MAOA: variants seen among roughly 807,000 people sequenced by gnomAD.
MAOA encodes the protein monoamine oxidase A, also known as amine oxidase [flavin-containing] A.
A neutral mutation model predicts 42.0 loss-of-function variants in MAOA; 6 were observed. That is an observed-to-expected ratio of 0.14 (90% CI 0.08 to 0.28). MAOA has a LOEUF of 0.28. Among genes scored for constraint, MAOA ranks in the 10% least tolerant of loss-of-function variants. MAOA has a pLI of 1.00. For missense variants in MAOA, 262 were observed against 422.3 expected (o/e 0.62, Z 3.33); for synonymous variants, 140 against 154.0 (o/e 0.91, Z 0.67).
At chrX:43,703,483 C>T (rs1203086348) in intron 3 of MAOA, among the ~76,000 whole-genome samples, 3 of 111,886 alleles carry the variant, frequency 2.7e-5, no homozygotes, top group Non-Finnish European at 5.6e-5. Flanking sequence ...CCCTTTTGTC[C>T]AGAAGGGATA....
chrX:43,725,271 T>TA, intron 5 of MAOA, among the ~76,000 whole-genome samples: 1 of 111,443 alleles, frequency 9.0e-6, no homozygotes, highest in Non-Finnish European at 1.9e-5. Context: ...AGTGGGGTAT[T>TA]AAAGTCTCCC....
chrX:43,687,199 G>A (rs1222392898), intron 2 of MAOA, among the ~76,000 whole-genome samples: 1 of 112,299 alleles, frequency 8.9e-6, no homozygotes, highest in Non-Finnish European at 1.9e-5. Context: ...GTGCAACACA[G>A]TAGAATACAG....
chrX:43,703,061 A>T (rs1601938374), intron 3 of MAOA, among the ~76,000 whole-genome samples: 1 of 94,412 alleles, frequency 1.1e-5, no homozygotes, highest in African/African-American at 5.9e-5. Flanking sequence ...TCTGTAGATT[A>T]AAAAAAAAAT....
At chrX:43,739,666 A>T (rs1218134048) in intron 10 of MAOA, among the ~76,000 whole-genome samples, 1 of 112,284 alleles carries the variant, frequency 8.9e-6, no homozygotes, top group East Asian at 2.8e-4. Context: ...AGCTTTTAAT[A>T]CTTGTCTTAC....
At chrX:43,730,194 CAAAAAAA>C (rs1219771036) in intron 6 of MAOA, among the ~76,000 whole-genome samples, 1 of 38,127 alleles carries the variant, frequency 2.6e-5, no homozygotes, top group African/African-American at 1.1e-4. Context: ...AACTCCGTCT[CAAAAAAA>C]AAAAAAAAAA....
At chrX:43,742,933 C>T (rs1401384163) in intron 12 of MAOA, among the ~76,000 whole-genome samples, 2 of 110,267 alleles carry the variant, frequency 1.8e-5, no homozygotes, top group African/African-American at 6.6e-5. Flanking sequence ...AGTCAGATCG[C>T]CTTTGTTAAC....
At chrX:43,718,213 T>C (rs1312835576) in intron 5 of MAOA, among the ~76,000 whole-genome samples, 1 of 106,403 alleles carries the variant, frequency 9.4e-6, no homozygotes, top group Non-Finnish European at 1.9e-5. Context: ...CTTCCAAGAA[T>C]GATTCACAGA....
chrX:43,676,130 A>C (rs1426890735), intron 1 of MAOA, among the ~76,000 whole-genome samples: 1 of 111,936 alleles, frequency 8.9e-6, no homozygotes, highest in Non-Finnish European at 1.9e-5. Flanking sequence ...TTGTTTACCT[A>C]AGCAAGCCTG....
At position 43,729,132 on chromosome X, in the gene MAOA, G is replaced by C. The variant is rs1222668319; in HGVS notation, c.645+818G>C. ...CTGCCAAGTGAATTATTCTTCTCCT[G>C]AGGAGATCACCGGAAATCCCCAAGT... On this transcript the variant is annotated intron_variant, in intron 6 of 14. Coordinates refer to ENST00000338702, the MANE Select transcript of MAOA (RefSeq NM_000240.4). Among the ~76,000 whole-genome samples the C allele has an allele frequency of 2.7e-5, 3 of 112,285 alleles. No individual in the cohort carries two copies. The East Asian group carries it at 8.4e-4, about 32-fold the overall frequency.
chrX:43,676,149 C>T (rs1055942683), intron 1 of MAOA, among the ~76,000 whole-genome samples: 49 of 112,103 alleles, frequency 4.4e-4, no homozygotes, highest in African/African-American at 1.3e-3. Context: ...TGGGCAATGG[C>T]GGGTGCCCCT....
At chrX:43,710,580 A>T (rs911331682) in intron 3 of MAOA, among the ~76,000 whole-genome samples, 3 of 112,463 alleles carry the variant, frequency 2.7e-5, no homozygotes, top group Non-Finnish European at 5.6e-5. Context: ...TCAAATTATC[A>T]TGCAAATTAT....
rs2033809437 is a variant in MAOA, at chrX:43,723,668, A to G, written c.504-4505A>G. 2.7e-5 allele frequency among the ~76,000 whole-genome samples: 3 copies of G among 111,279 alleles called. No individual in the cohort carries two copies. The South Asian group carries it at 1.1e-3, about 42-fold the overall frequency. On this transcript the variant is annotated intron_variant, in intron 5 of 14. Transcript: ENST00000338702. ...TGACTTCCTCTCTTCCTAATTGAAT[A>G]CCTTTATTTCTTTCTCTTGTGTGAT...
intron 2 of MAOA, among the ~76,000 whole-genome samples, chrX:43,685,155 C>T (rs781397766): frequency 9.0e-6 from 1 of 111,181 alleles, no homozygotes; most frequent in South Asian, 3.8e-4. Context: ...GCTGGGATAA[C>T]AGGCATGAGC....
chrX:43,744,022 C>G, intron 13 of MAOA, 87 bp from the exon 14 acceptor site: 1 of 1,181,631 alleles, frequency 8.5e-7, no homozygotes, highest in Non-Finnish European at 1.1e-6. Flanking sequence ...GCCCCTCACT[C>G]ATGGGGCTCA....
At chrX:43,689,448 T>C (rs1053851363) in intron 2 of MAOA, among the ~76,000 whole-genome samples, 19 of 111,657 alleles carry the variant, frequency 1.7e-4, no homozygotes, top group African/African-American at 5.5e-4. Context: ...TTCTTCTACT[T>C]GTTCAGAAGT....
At chrX:43,656,590 G>A (rs2033181643) in intron 1 of MAOA, among the ~76,000 whole-genome samples, 176 bp downstream of exon 1, 2 of 111,441 alleles carry the variant, frequency 1.8e-5, no homozygotes, top group South Asian at 7.7e-4. Context: ...TTTGCTGGTG[G>A]TGTGACTGGG....
At chrX:43,657,477 T>C (rs902398887) in intron 1 of MAOA, among the ~76,000 whole-genome samples, 13 of 110,034 alleles carry the variant, frequency 1.2e-4, no homozygotes, top group Admixed American at 9.7e-4. Flanking sequence ...AGGGTGCCCC[T>C]GGTCCTGGCT....
chrX:43,676,362 C>G (rs747070234), intron 1 of MAOA, among the ~76,000 whole-genome samples: 2 of 111,874 alleles, frequency 1.8e-5, no homozygotes, highest in South Asian at 7.4e-4. Context: ...CTTTCTTTGA[C>G]TAGGAAAGGG....
chrX:43,738,382 C>T (rs2033936291), intron 10 of MAOA, among the ~76,000 whole-genome samples: 1 of 112,221 alleles, frequency 8.9e-6, no homozygotes, highest in South Asian at 3.7e-4. Flanking sequence ...CTTGGCTCTT[C>T]TAATAATATG....
Sources: allele counts gnomAD v4.1 joint callset (sites outside exome capture counted in the v4.1 genomes callset), GRCh38; gene constraint gnomAD v4.1.1; transcripts MANE v1.5; gene names NCBI Gene and HGNC (gene_info 2026-07-23, HGNC 2026-07-21).